Variants in EXOSC4 observed in about 807,000 individuals in gnomAD.
EXOSC4 encodes exosome component 4.
Under a neutral mutation model 20.0 loss-of-function variants are expected in EXOSC4, and 14 were observed. That is an observed-to-expected ratio of 0.70 (90% CI 0.46 to 1.09). The LOEUF (loss-of-function observed/expected upper bound fraction) is 1.09, where lower values mean the gene tolerates loss of function less well. Among genes scored for constraint, EXOSC4 ranks in the 50% least tolerant of loss-of-function variants. The pLI is 0.00. For missense variants in EXOSC4, 337 were observed against 334.0 expected, an observed-to-expected ratio of 1.01 and a Z score of -0.07; for synonymous variants, 148 against 146.4, an observed-to-expected ratio of 1.01 and a Z score of -0.08.
In EXOSC4 at chr8:144,080,541, C is replaced by T. The variant is rs1183666987; in HGVS notation, c.678C>T (p.Thr226=). The change falls in exon 3 of 3, where the codon ACC becomes ACT. Residue 226 remains threonine (T), a synonymous_variant. Coordinates refer to ENST00000316052, the MANE Select transcript of EXOSC4 (RefSeq NM_019037.3). The surrounding 1 kb of genome is among the most constrained non-coding windows in gnomAD (Gnocchi z 4.9). ...CCCAGGCTGCCCGAGATGTGCACACCCTCTTAGATCGAGTGGTCCGGCAGC... is the reference window on the plus strand; with the variant it reads ...CCCAGGCTGCCCGAGATGTGCACACTCTCTTAGATCGAGTGGTCCGGCAGC... The part of the protein sequence containing the change: ...AAAQAARDVH[T]LLDRVVRQHV... The T allele has an allele frequency of 1.2e-6, 2 of 1,601,856 alleles. No individual in the cohort carries two copies. The highest frequency in any genetic ancestry group is 1.7e-6 in the Non-Finnish European group (2 of 1,179,964).
At chr8:144,075,392 A>G (rs1043433893), upstream of EXOSC4, among the ~76,000 whole-genome samples, 4 of 151,980 alleles carry the variant, frequency 2.6e-5, no homozygotes, top group African/African-American at 9.7e-5. Flanking sequence ...ACGCCCGGCT[A>G]ATTTTTGATA....
At chr8:144,074,633 G>A (rs1437925125), upstream of EXOSC4, among the ~76,000 whole-genome samples, 9 of 152,088 alleles carry the variant, frequency 5.9e-5, no homozygotes, top group East Asian at 3.8e-4. Flanking sequence ...ACCGTGGCAC[G>A]ATCATAGCTC....
At chr8:144,069,295 A>G in the EXOSC4 span, among the ~76,000 whole-genome samples, 1 of 152,228 alleles carries the variant, frequency 6.6e-6, no homozygotes, top group Non-Finnish European at 1.5e-5. Context: ...CAGGTTTAAA[A>G]CAACAGAAAC....
At chr8:144,075,472 C>T (rs994624923), upstream of EXOSC4, among the ~76,000 whole-genome samples, 7 of 152,196 alleles carry the variant, frequency 4.6e-5, no homozygotes, top group Non-Finnish European at 7.4e-5. Flanking sequence ...GTGATCTGCC[C>T]GCCTCGGCCT....
chr8:144,078,888 G>C lies in EXOSC4; in HGVS notation c.160G>C (p.Gly54Arg). The change falls in exon 1 of 3, where the codon GGC becomes CGC. Residue 54 changes from glycine (G) to arginine (R), a missense_variant. Coordinates refer to ENST00000316052, the MANE Select transcript of EXOSC4 (RefSeq NM_019037.3). The surrounding 1 kb of genome is among the most constrained non-coding windows in gnomAD (Gnocchi z 4.7). ...CACCAAGGCACTGGCTGTGGTCTAC[G>C]GCCCGCACGAGGCGAGTGGGCGCGC... ...GNTKALAVVY[G>R]PHEIRGSRAR... 1 of 1,491,830 alleles carries C rather than the reference G, an allele frequency of 6.7e-7. No homozygotes were observed. Among genetic ancestry groups the C allele is most frequent in the Non-Finnish European group, 8.9e-7 (1 of 1,118,476 alleles). The allele number at this position is 1,491,830 out of a possible 1,614,324, so 92.4% of individuals were successfully genotyped here.
At chr8:144,065,286 C>T in the EXOSC4 span, among the ~76,000 whole-genome samples, 1 of 152,194 alleles carries the variant, frequency 6.6e-6, no homozygotes, top group Admixed American at 6.5e-5. Context: ...GATTTGTAGA[C>T]TGTCCTGGGA....
At chr8:144,071,559 G>A in the EXOSC4 span, among the ~76,000 whole-genome samples, 2 of 148,992 alleles carry the variant, frequency 1.3e-5, no homozygotes, top group Non-Finnish European at 3.0e-5. Flanking sequence ...GCCTCCTAAA[G>A]TGCTGGGATT....
At chr8:144,071,806 A>C in the EXOSC4 span, among the ~76,000 whole-genome samples, 2 of 151,872 alleles carry the variant, frequency 1.3e-5, no homozygotes, top group African/African-American at 2.4e-5. Context: ...GCGAGATCAC[A>C]GCTCCGCAAA....
the EXOSC4 span, among the ~76,000 whole-genome samples, chr8:144,072,688 T>C: frequency 6.6e-6 from 1 of 152,230 alleles, no homozygotes; most frequent in African/African-American, 2.4e-5. Context: ...TTATTTCACT[T>C]AACATAATAA....
intron 1 of EXOSC4, 53 bp from the exon 2 acceptor site, chr8:144,079,890 T>G (rs1391798918): frequency 1.3e-6 from 2 of 1,547,336 alleles, no homozygotes; most frequent in East Asian, 4.5e-5. Context: ...CAGAGGACAG[T>G]GGAGTGTGAG....
At chr8:144,079,152 C>T (rs985696397) in intron 1 of EXOSC4, 2 of 387,392 alleles carry the variant, frequency 5.2e-6, no homozygotes, top group Non-Finnish European at 9.2e-6. Flanking sequence ...AGGCACTCCC[C>T]CACTCGCTCC....
chr8:144,065,984 T>C, the EXOSC4 span, among the ~76,000 whole-genome samples: 1 of 147,826 alleles, frequency 6.8e-6, no homozygotes, highest in East Asian at 2.0e-4. Flanking sequence ...CTAGTTTTTT[T>C]GTTTTTTTTT....
At chr8:144,066,803 C>T in the EXOSC4 span, among the ~76,000 whole-genome samples, 3 of 152,042 alleles carry the variant, frequency 2.0e-5, no homozygotes, top group Non-Finnish European at 2.9e-5. Context: ...AAGAATGAGG[C>T]TCGGCCAGGC....
At chr8:144,073,083 A>G in the EXOSC4 span, among the ~76,000 whole-genome samples, 1 of 152,230 alleles carries the variant, frequency 6.6e-6, no homozygotes, top group East Asian at 1.9e-4. Flanking sequence ...CCATAGCAGC[A>G]GAGACCAAAG....
chr8:144,078,781 G>T lies in EXOSC4; in HGVS notation c.53G>T (p.Arg18Leu). 1 of 1,545,486 alleles carries T rather than the reference G, an allele frequency of 6.5e-7. No homozygotes were observed. The highest frequency in any genetic ancestry group is 2.0e-5 in the Admixed American group (1 of 50,392). The change falls in exon 1 of 3, where the codon CGC becomes CTC. Residue 18 changes from arginine (R) to leucine (L), a missense_variant. Arg to Leu is a moderately radical substitution (Grantham distance 102). Coordinates refer to ENST00000316052, the MANE Select transcript of EXOSC4 (RefSeq NM_019037.3). The surrounding 1 kb of genome is among the most constrained non-coding windows in gnomAD (Gnocchi z 4.7). Reference sequence around the variant, plus strand: ...CAGGGCTACCGGGTGGACGGGCGGCGCGCCGGGGAGCTGCGCAAGATCCAG... The same window carrying T: ...CAGGGCTACCGGGTGGACGGGCGGCTCGCCGGGGAGCTGCGCAAGATCCAG... ...SDQGYRVDGR[R>L]AGELRKIQAR...
At chr8:144,072,462 TGA>T in the EXOSC4 span, among the ~76,000 whole-genome samples, 32 of 152,294 alleles carry the variant, frequency 2.1e-4, no homozygotes, top group South Asian at 2.7e-3. Context: ...ATTACAGGTG[TGA>T]GCCACCGCGC....
At position 144,080,207 on chromosome 8, in the gene EXOSC4, G is replaced by A. The variant is rs201948066; in HGVS notation, c.379-35G>A. 1.7e-5 allele frequency: 28 copies of A among 1,608,806 alleles called. No individual in the cohort carries two copies. The highest frequency in any genetic ancestry group is 2.4e-5 in the Non-Finnish European group (28 of 1,176,436). ...GAAGGGTGTGATGGGGTTGGGGAGGGAGTCTGATAGACTGACACCCTGGGT... is the reference window on the plus strand; with the variant it reads ...GAAGGGTGTGATGGGGTTGGGGAGGAAGTCTGATAGACTGACACCCTGGGT... On this transcript the variant is annotated intron_variant, in intron 2 of 2. Transcript: ENST00000316052. The surrounding 1 kb of genome is among the most constrained non-coding windows in gnomAD (Gnocchi z 4.9).
At chr8:144,069,251 T>C in the EXOSC4 span, among the ~76,000 whole-genome samples, 9 of 152,362 alleles carry the variant, frequency 5.9e-5, no homozygotes, top group South Asian at 1.9e-3. Context: ...GTGCTGGCTG[T>C]CTATTGCTGC....
At chr8:144,077,694 C>T (rs782264964), upstream of EXOSC4, among the ~76,000 whole-genome samples, 1 of 152,214 alleles carries the variant, frequency 6.6e-6, no homozygotes, top group Non-Finnish European at 1.5e-5. Context: ...CACTATGTGA[C>T]TTCTGAGGTT....
Sources: gnomAD v4.1 joint callset for allele counts (sites outside exome capture counted in the v4.1 genomes callset) on GRCh38, gnomAD v4.1.1 for gene constraint, Gnocchi (gnomAD v3.1) non-coding constraint, MANE v1.5 for transcripts, NCBI Gene and HGNC (gene_info 2026-07-23, HGNC 2026-07-21) for gene names.